The following TENM4 variants were observed in gnomAD, a reference collection of about 807,000 sequenced individuals.
The protein encoded by TENM4 is teneurin transmembrane protein 4.
A neutral mutation model predicts 243.3 loss-of-function variants in TENM4; 82 were observed. The ratio of observed to expected loss-of-function variants is 0.34; its 90% CI spans 0.28 to 0.40. The LOEUF is 0.40. TENM4 is among the 10% of genes least tolerant of loss of function. The pLI, the probability that TENM4 is intolerant of heterozygous loss-of-function variation, is 1.00. For missense variants in TENM4, 3,138 were observed against 3,673.3 expected (o/e 0.85, Z 3.77); for synonymous variants, 1,412 against 1,456.3 (o/e 0.97, Z 0.69).
chr11:78,791,725 A>G (rs891281168), intron 15 of TENM4, among the ~76,000 whole-genome samples: 4 of 152,256 alleles, frequency 2.6e-5, no homozygotes, highest in Non-Finnish European at 5.9e-5. Context: ...CATATTCAGG[A>G]TATAATAAAT....
chr11:78,938,589 T>C (rs937152486), intron 6 of TENM4, among the ~76,000 whole-genome samples: 1 of 152,180 alleles, frequency 6.6e-6, no homozygotes, highest in Non-Finnish European at 1.5e-5. Context: ...TTATCATTAC[T>C]TCATTGAAAA....
intron 6 of TENM4, among the ~76,000 whole-genome samples, chr11:78,959,658 A>C (rs1161369897): frequency 6.6e-6 from 1 of 152,190 alleles, no homozygotes; most frequent in East Asian, 1.9e-4. Context: ...CATTCAGAGC[A>C]AGGGCCTGGG....
Position 79,379,124 on chromosome 11 carries a change from C to A in TENM4, c.-321+61385G>T, listed in dbSNP as rs1176432011. 2.0e-5 allele frequency among the ~76,000 whole-genome samples: 3 copies of A among 152,048 alleles called. 1 individual carries two copies. The South Asian group carries it at 6.2e-4, about 32-fold the overall frequency. The stretch of plus-strand genomic sequence containing the variant: ...AGGCCCAGGGGAAGGCCTTTACAAG[C>A]GAGGGTGCTGGACGGGTTAGCAATA... On this transcript the variant is annotated intron_variant, in intron 1 of 33. Coordinates refer to ENST00000278550, the MANE Select transcript of TENM4 (RefSeq NM_001098816.3).
In TENM4 at chr11:78,787,721, T is replaced by C. The variant is rs1245861351; in HGVS notation, c.2180-638A>G. On this transcript the variant is annotated intron_variant, in intron 15 of 33. Coordinates refer to ENST00000278550, the MANE Select transcript of TENM4 (RefSeq NM_001098816.3). ...GGTTTATTCTCTTTCAGCTTCCTGCTTCCTCACCCCAACTCCAAGAACCAT... is the reference window on the plus strand; with the variant it reads ...GGTTTATTCTCTTTCAGCTTCCTGCCTCCTCACCCCAACTCCAAGAACCAT... Among the ~76,000 whole-genome samples, 3 of 152,302 alleles carry C rather than the reference T, an allele frequency of 2.0e-5. No homozygotes were observed. In the South Asian group the frequency reaches 6.2e-4, roughly 32 times the overall value.
intron 1 of TENM4, among the ~76,000 whole-genome samples, chr11:79,423,678 A>C (rs1039290211): frequency 4.6e-4 from 70 of 151,920 alleles, no homozygotes; most frequent in African/African-American, 1.6e-3. Flanking sequence ...CAGCAGGCGC[A>C]GGGAGGGTTA....
intron 9 of TENM4, among the ~76,000 whole-genome samples, chr11:78,866,210 A>T (rs1007391186): frequency 4.6e-5 from 7 of 152,202 alleles, no homozygotes; most frequent in Admixed American, 3.3e-4. Flanking sequence ...TATATTAGCA[A>T]CTCCAAAGGT....
At chr11:78,948,910 G>A (rs531767) in intron 6 of TENM4, among the ~76,000 whole-genome samples, 85,285 of 152,024 alleles carry the variant, frequency 0.56, 25,787 homozygotes, top group African/African-American at 0.8. Flanking sequence ...CAGGTTACAT[G>A]TTTTTGGCAA....
chr11:79,199,443 G>A (rs966105514), intron 3 of TENM4, among the ~76,000 whole-genome samples: 7 of 152,162 alleles, frequency 4.6e-5, no homozygotes, highest in Admixed American at 3.9e-4. Context: ...GAATGAGAAG[G>A]CACAGGTGGA....
chr11:78,692,975 AT>A (rs1858862819), intron 28 of TENM4, among the ~76,000 whole-genome samples: 1 of 152,048 alleles, frequency 6.6e-6, no homozygotes, highest in African/African-American at 2.4e-5. Flanking sequence ...TATACTTATT[AT>A]TTATTTGTTC....
At chr11:79,407,938 C>T (rs1858608439) in intron 1 of TENM4, among the ~76,000 whole-genome samples, 1 of 149,436 alleles carries the variant, frequency 6.7e-6, no homozygotes, top group Admixed American at 6.7e-5. Context: ...GAGTCTTGCT[C>T]TGTCTCACAG....
intron 2 of TENM4, among the ~76,000 whole-genome samples, chr11:79,260,573 G>C (rs951034626): frequency 8.5e-5 from 13 of 152,284 alleles, no homozygotes; most frequent in Non-Finnish European, 1.6e-4. Context: ...TTTCTGACCA[G>C]AGAACTCTTC....
At chr11:79,290,570 C>T (rs997387419) in intron 2 of TENM4, among the ~76,000 whole-genome samples, 5 of 151,312 alleles carry the variant, frequency 3.3e-5, no homozygotes, top group South Asian at 2.1e-4. Flanking sequence ...CCCTCACCAT[C>T]GCTCCCTTTG....
chr11:79,299,504 A>G (rs1161244040), intron 1 of TENM4, among the ~76,000 whole-genome samples: 7 of 152,312 alleles, frequency 4.6e-5, no homozygotes, highest in East Asian at 1.9e-4. Context: ...CTTTTGTTAC[A>G]TTGTCCTCAG....
intron 1 of TENM4, among the ~76,000 whole-genome samples, chr11:79,312,475 T>C (rs1856738397): frequency 6.6e-6 from 1 of 152,200 alleles, no homozygotes; most frequent in South Asian, 2.1e-4. Context: ...AGCCTCCCTA[T>C]GAAAGTATGT....
At chr11:78,725,205 G>A (rs964538406) in intron 23 of TENM4, among the ~76,000 whole-genome samples, 1 of 152,224 alleles carries the variant, frequency 6.6e-6, no homozygotes, top group Non-Finnish European at 1.5e-5. Context: ...AATATCTGGT[G>A]AGTCCCTCTT....
intron 6 of TENM4, among the ~76,000 whole-genome samples, chr11:78,964,388 G>A (rs142962740): frequency 1.3e-5 from 2 of 152,222 alleles, no homozygotes; most frequent in Admixed American, 6.5e-5. Context: ...AACTTTATGT[G>A]ACAACATTTT....
intron 9 of TENM4, among the ~76,000 whole-genome samples, chr11:78,886,429 T>A (rs1033468392): frequency 6.6e-6 from 1 of 152,220 alleles, no homozygotes; most frequent in Non-Finnish European, 1.5e-5. Context: ...CCTCAGCAGC[T>A]GCAGGAGAGC....
At chr11:78,676,086 A>G in intron 30 of TENM4, 66 bp downstream of exon 30, 1 of 1,366,238 alleles carries the variant, frequency 7.3e-7, no homozygotes, top group African/African-American at 1.5e-5. Context: ...TCAAGAACAG[A>G]GCCCCGTTCT....
chr11:79,109,350 C>A (rs1861448745), intron 4 of TENM4, among the ~76,000 whole-genome samples: 1 of 152,208 alleles, frequency 6.6e-6, no homozygotes, highest in Non-Finnish European at 1.5e-5. Flanking sequence ...AGGGCAGAGG[C>A]AGCCAGGTGA....
Sources: gnomAD v4.1 joint callset for allele counts (sites outside exome capture counted in the v4.1 genomes callset) on GRCh38, gnomAD v4.1.1 for gene constraint, MANE v1.5 for transcripts, NCBI Gene and HGNC (gene_info 2026-07-23, HGNC 2026-07-21) for gene names.